Variants in RYR3 observed in about 807,000 individuals in gnomAD.
The protein encoded by RYR3 is brain ryanodine receptor-calcium release channel.
In RYR3, 207 loss-of-function variants were observed where a neutral mutation model predicts 584.3. The observed-to-expected ratio is 0.35, with a 90% CI of 0.32 to 0.40. RYR3 has a LOEUF of 0.40. Among genes scored for constraint, RYR3 ranks in the 10% least tolerant of loss-of-function variants. The pLI is 1.00. For missense variants in RYR3, 5,616 were observed against 6,089.2 expected, an observed-to-expected ratio of 0.92 and a Z score of 2.59; for synonymous variants, 2,416 against 2,248.5, an observed-to-expected ratio of 1.07 and a Z score of -2.11.
chr15:33,821,302 T>A lies in RYR3; in HGVS notation c.10848T>A (p.Tyr3616Ter). 2 of 1,601,836 alleles carry A rather than the reference T, an allele frequency of 1.2e-6. No individual in the cohort carries two copies. Among genetic ancestry groups the A allele is most frequent in the Non-Finnish European group, 1.7e-6 (2 of 1,174,386 alleles). ...EKEMEKQKTLYQQARLHERGA... is the reference protein window; with the variant it reads ...EKEMEKQKTL Reference sequence around the variant, plus strand: ...AGATGGAGAAGCAAAAAACCCTCTATCAGCAAGCTCGGCTGCATGAGCGTG... The same window carrying A: ...AGATGGAGAAGCAAAAAACCCTCTAACAGCAAGCTCGGCTGCATGAGCGTG... The change falls in exon 79 of 104, where the codon TAT becomes TAA. Residue 3616 changes from tyrosine (Y) to a stop codon, truncating the protein, a stop_gained. Coordinates refer to ENST00000634891, the MANE Select transcript of RYR3 (RefSeq NM_001036.6). LOFTEE classifies it high-confidence loss of function.
intron 46 of RYR3, 143 bp from the exon 47 acceptor site, chr15:33,728,714 G>T (rs1289651585): frequency 2.9e-5 from 21 of 713,382 alleles, no homozygotes; most frequent in Non-Finnish European, 4.0e-5. Context: ...TCAGATTTTT[G>T]GATTTGAGAT....
At chr15:33,754,041 A>T (rs1171415977) in intron 57 of RYR3, among the ~76,000 whole-genome samples, 4 of 152,194 alleles carry the variant, frequency 2.6e-5, no homozygotes, top group Non-Finnish European at 4.4e-5. Flanking sequence ...GCTACTCGGG[A>T]GGCTGAGGCA....
chr15:33,851,140 C>G (rs1257252395), intron 94 of RYR3: 4 of 152,050 alleles, frequency 2.6e-5, no homozygotes, highest in African/African-American at 9.7e-5. Flanking sequence ...ATCAATTTTC[C>G]TGACAGTAGA....
Position 33,862,741 on chromosome 15 carries a change from G to GCTGGGACTACAGGCAC in RYR3, c.14466-1393_14466-1378dup, listed in dbSNP as rs1437267655. On this transcript the variant is annotated intron_variant, in intron 102 of 103. Transcript: ENST00000634891. Reference sequence around the variant, plus strand: ...TTCTCCTGCCTCAGCCTCCTGAGTAGCTGGGACTACAGGCACCTGCCACCA... The same window carrying GCTGGGACTACAGGCAC: ...TTCTCCTGCCTCAGCCTCCTGAGTAGCTGGGACTACAGGCACCTGGGACTACAGGCACCTGCCACCA... 7.9e-5 allele frequency among the ~76,000 whole-genome samples: 12 copies of GCTGGGACTACAGGCAC among 152,208 alleles called. No homozygotes were observed. In the East Asian group the frequency reaches 1.5e-3, roughly 20 times the overall value.
At chr15:33,528,230 C>A (rs1468986083) in intron 3 of RYR3, among the ~76,000 whole-genome samples, 4 of 152,154 alleles carry the variant, frequency 2.6e-5, no homozygotes, top group Admixed American at 6.5e-5. Flanking sequence ...ATCCACTGAG[C>A]CAGTCAGTCT....
chr15:33,852,926 G>A (rs2079255033), intron 94 of RYR3, 119 bp from the exon 95 acceptor site: 2 of 812,668 alleles, frequency 2.5e-6, no homozygotes. Flanking sequence ...AAAATTCTTT[G>A]GTGAGCAGGA....
intron 1 of RYR3, among the ~76,000 whole-genome samples, chr15:33,439,814 A>C (rs1282476165): frequency 6.6e-6 from 1 of 152,110 alleles, no homozygotes; most frequent in Non-Finnish European, 1.5e-5. Flanking sequence ...AAATATACAC[A>C]AAAAAATCAT....
At chr15:33,321,168 G>C (rs550433631) in intron 1 of RYR3, among the ~76,000 whole-genome samples, 55 of 152,308 alleles carry the variant, frequency 3.6e-4, no homozygotes, top group African/African-American at 1.3e-3. Context: ...CATCATCTTT[G>C]CTTTGGGGAG....
chr15:33,657,051 C>T (rs11856134), intron 32 of RYR3, among the ~76,000 whole-genome samples: 8,591 of 152,234 alleles, frequency 0.056, 613 homozygotes, highest in African/African-American at 0.17. Flanking sequence ...TCCTGCTTAC[C>T]ACACCACCAA....
intron 12 of RYR3, among the ~76,000 whole-genome samples, chr15:33,572,091 C>T (rs1056534556): frequency 3.3e-5 from 5 of 152,076 alleles, no homozygotes; most frequent in African/African-American, 1.2e-4. Context: ...TTTGCCTACT[C>T]CTTTGTGATA....
At chr15:33,620,188 G>C (rs996397946) in intron 19 of RYR3, among the ~76,000 whole-genome samples, 8 of 152,224 alleles carry the variant, frequency 5.3e-5, no homozygotes, top group African/African-American at 1.7e-4. Context: ...CTGAGCGAAA[G>C]GGCACCTCTT....
At chr15:33,835,490 CTG>C (rs1596907382) in intron 87 of RYR3, among the ~76,000 whole-genome samples, 2 of 152,276 alleles carry the variant, frequency 1.3e-5, no homozygotes, top group East Asian at 3.9e-4. Flanking sequence ...CCCTCCCTCC[CTG>C]TCTCTGCCTC....
At chr15:33,839,590 A>G (rs1329955723) in intron 89 of RYR3, 1 of 152,302 alleles carries the variant, frequency 6.6e-6, no homozygotes, top group Non-Finnish European at 1.5e-5. Context: ...AGAAGTGTGA[A>G]AAGATCCAAG....
chr15:33,529,522 T>C (rs2141035611), intron 3 of RYR3, among the ~76,000 whole-genome samples: 1 of 152,314 alleles, frequency 6.6e-6, no homozygotes, highest in African/African-American at 2.4e-5. Context: ...TAACTCTGAA[T>C]AAAATGGACT....
chr15:33,552,451 C>T (rs1041736342), intron 10 of RYR3, among the ~76,000 whole-genome samples: 8 of 152,174 alleles, frequency 5.3e-5, no homozygotes, highest in Non-Finnish European at 1.2e-4. Context: ...CGGGGGCCAT[C>T]GGCATAGCAG....
At chr15:33,647,142 A>G (rs1344060178) in intron 29 of RYR3, among the ~76,000 whole-genome samples, 1 of 152,260 alleles carries the variant, frequency 6.6e-6, no homozygotes, top group Non-Finnish European at 1.5e-5. Flanking sequence ...ACCTATTCAG[A>G]GGTATCCCTA....
Position 33,636,509 on chromosome 15 carries a change from A to G in RYR3, c.3515A>G (p.Lys1172Arg). 6.2e-7 allele frequency: 1 copy of G among 1,611,190 alleles called. No individual in the cohort carries two copies. The highest frequency in any genetic ancestry group is 8.5e-7 in the Non-Finnish European group (1 of 1,178,732). The change falls in exon 27 of 104, where the codon AAA (lysine) becomes AGA (arginine). Residue 1172 changes from lysine to arginine, a missense_variant. Lys to Arg is a conservative substitution (Grantham distance 26). Transcript: ENST00000634891. ...TLNGELLITN[K>R]GSELAFADYE... ...AATGGGGAGCTGCTGATCACCAACA[A>G]AGGCTCTGAACTTGCCTTCGCTGAC...
intron 1 of RYR3, among the ~76,000 whole-genome samples, chr15:33,435,418 T>G (rs1218533671): frequency 6.6e-6 from 1 of 152,196 alleles, no homozygotes; most frequent in Non-Finnish European, 1.5e-5. Flanking sequence ...CATTTATCAT[T>G]ATGCTTTTTT....
At chr15:33,729,501 C>G (rs2068762052) in intron 47 of RYR3, among the ~76,000 whole-genome samples, 1 of 152,176 alleles carries the variant, frequency 6.6e-6, no homozygotes, top group Non-Finnish European at 1.5e-5. Context: ...TCTTCACACT[C>G]TCGCTTCTTA....
Sources: gnomAD v4.1 joint callset for allele counts (sites outside exome capture counted in the v4.1 genomes callset) on GRCh38, gnomAD v4.1.1 for gene constraint, MANE v1.5 for transcripts, NCBI Gene and HGNC (gene_info 2026-07-23, HGNC 2026-07-21) for gene names.